The following LRRC37A2 variants were observed in gnomAD, a reference collection of about 807,000 sequenced individuals.
The protein encoded by LRRC37A2 is leucine-rich repeat-containing protein 37A2.
A neutral mutation model predicts 68.8 loss-of-function variants in LRRC37A2; 9 were observed. The ratio of observed to expected loss-of-function variants is 0.13; its 90% CI spans 0.08 to 0.23. The LOEUF (loss-of-function observed/expected upper bound fraction) is 0.23, where lower values mean the gene tolerates loss of function less well. Among genes scored for constraint, LRRC37A2 ranks in the 10% least tolerant of loss-of-function variants. The pLI, the probability that LRRC37A2 is intolerant of heterozygous loss-of-function variation, is 1.00. For missense variants in LRRC37A2, 168 were observed against 950.4 expected, an observed-to-expected ratio of 0.18 and a Z score of 10.82; for synonymous variants, 63 against 367.6, an observed-to-expected ratio of 0.17 and a Z score of 9.48.
chr17:46,960,239 C>T, the LRRC37A2 span, among the ~76,000 whole-genome samples: 2,411 of 152,256 alleles, frequency 0.016, 63 homozygotes, highest in African/African-American at 0.055. Context: ...CACTTAAGAA[C>T]ATGAAAAGAT....
the LRRC37A2 span, among the ~76,000 whole-genome samples, chr17:46,970,234 C>T: frequency 6.6e-6 from 1 of 152,174 alleles, no homozygotes; most frequent in South Asian, 2.1e-4. Context: ...CATTAAGATG[C>T]TTCCTGCAAA....
the LRRC37A2 span, chr17:46,966,491 G>A: frequency 4.5e-6 from 3 of 672,126 alleles, no homozygotes. Context: ...GGAACTACAG[G>A]TGCACCCCAC....
At chr17:46,987,000 C>T in the LRRC37A2 span, among the ~76,000 whole-genome samples, 2 of 152,144 alleles carry the variant, frequency 1.3e-5, no homozygotes, top group African/African-American at 4.8e-5. Flanking sequence ...AATCCCAGCA[C>T]TTTGGGAGGC....
the LRRC37A2 span, among the ~76,000 whole-genome samples, chr17:46,865,749 G>A: frequency 2.5e-4 from 38 of 152,196 alleles, no homozygotes; most frequent in Non-Finnish European, 4.6e-4. Context: ...GGAACCACAG[G>A]CACGTGCCAC....
the LRRC37A2 span, among the ~76,000 whole-genome samples, chr17:46,916,528 AT>A: frequency 6.6e-6 from 1 of 152,214 alleles, no homozygotes; most frequent in Non-Finnish European, 1.5e-5. Context: ...GATCGGCGAA[AT>A]TTTATTCACA....
chr17:46,943,130 C>T, the LRRC37A2 span, among the ~76,000 whole-genome samples: 3 of 152,170 alleles, frequency 2.0e-5, no homozygotes, highest in East Asian at 1.9e-4. Context: ...AATACAAGAA[C>T]ATCAACCCAA....
the LRRC37A2 span, among the ~76,000 whole-genome samples, chr17:47,006,519 T>A: frequency 1.4e-4 from 22 of 151,914 alleles, no homozygotes; most frequent in African/African-American, 5.3e-4. Context: ...GGCTGAGGCA[T>A]GAGAATTGTT....
the LRRC37A2 span, among the ~76,000 whole-genome samples, chr17:46,812,665 G>A: frequency 6.6e-6 from 1 of 152,110 alleles, no homozygotes; most frequent in East Asian, 1.9e-4. Flanking sequence ...GCCTGGCCCA[G>A]CACCCTCAAC....
the LRRC37A2 span, among the ~76,000 whole-genome samples, chr17:46,722,566 T>C: frequency 6.6e-6 from 1 of 152,198 alleles, no homozygotes; most frequent in African/African-American, 2.4e-5. Flanking sequence ...CTGTGGCAGC[T>C]AACCTCACGT....
the LRRC37A2 span, among the ~76,000 whole-genome samples, chr17:46,739,899 C>T: frequency 6.6e-6 from 1 of 152,028 alleles, no homozygotes; most frequent in African/African-American, 2.4e-5. Flanking sequence ...GAGGTTTCAC[C>T]ATATTGGCCA....
chr17:46,840,020 TTTCTTTCTTTC>T, the LRRC37A2 span, among the ~76,000 whole-genome samples: 5 of 142,128 alleles, frequency 3.5e-5, no homozygotes, highest in African/African-American at 1.4e-4. Context: ...TCTTTCTTTC[TTTCTTTCTTTC>T]TTTTCTTTCT....
the LRRC37A2 span, among the ~76,000 whole-genome samples, chr17:46,845,245 T>C: frequency 1.3e-5 from 2 of 152,138 alleles, no homozygotes; most frequent in East Asian, 3.9e-4. Context: ...TCACTAGTGC[T>C]TTGCCCATAG....
At chr17:46,743,504 G>C in the LRRC37A2 span, among the ~76,000 whole-genome samples, 1 of 152,238 alleles carries the variant, frequency 6.6e-6, no homozygotes, top group Non-Finnish European at 1.5e-5. Context: ...ATGCTGAGAA[G>C]TTAAATAATC....
Position 46,540,265 on chromosome 17 carries a change from CTCATG to C in LRRC37A2, c.2978+19_2978+23del. The stretch of plus-strand genomic sequence containing the variant: ...AAATATCTGTAAGTACTATAGTACT[CTCATG>C]AGTCAAGAGATGATTTATGCTTTTT... On this transcript the variant is annotated intron_variant, in intron 7 of 14. Coordinates refer to ENST00000576629, the Ensembl canonical transcript of LRRC37A2. 3.4e-6 allele frequency: 5 copies of C among 1,486,908 alleles called. No homozygotes were observed. The highest frequency in any genetic ancestry group is 4.5e-6 in the Non-Finnish European group (5 of 1,104,884). 92.1% of individuals were successfully genotyped at this position (1,486,908 alleles called of 1,614,324 possible).
the LRRC37A2 span, chr17:46,885,913 A>G: frequency 6.6e-5 from 10 of 152,272 alleles, no homozygotes; most frequent in African/African-American, 2.2e-4. Flanking sequence ...TGCCTCAACC[A>G]CAAGAACAAA....
the LRRC37A2 span, among the ~76,000 whole-genome samples, chr17:46,898,139 A>G: frequency 6.6e-6 from 1 of 151,850 alleles, no homozygotes; most frequent in Non-Finnish European, 1.5e-5. Context: ...CATCCCATTC[A>G]CCCAAAGGCC....
the LRRC37A2 span, among the ~76,000 whole-genome samples, chr17:46,899,695 G>A: frequency 6.6e-6 from 1 of 152,092 alleles, no homozygotes; most frequent in Admixed American, 6.5e-5. Flanking sequence ...ACTGGTGATG[G>A]TTGCACAACT....
At chr17:46,871,322 T>C in the LRRC37A2 span, among the ~76,000 whole-genome samples, 2 of 152,124 alleles carry the variant, frequency 1.3e-5, no homozygotes, top group Non-Finnish European at 2.9e-5. Flanking sequence ...CACCAGGATA[T>C]AGGACAGCAA....
chr17:46,846,837 A>C, the LRRC37A2 span, among the ~76,000 whole-genome samples: 1 of 152,240 alleles, frequency 6.6e-6, no homozygotes, highest in African/African-American at 2.4e-5. Context: ...TGGAAGTGCC[A>C]TGGGGAGTGG....
Sources: gnomAD v4.1 joint callset for allele counts (sites outside exome capture counted in the v4.1 genomes callset) on GRCh38, gnomAD v4.1.1 for gene constraint, MANE v1.5 for transcripts, NCBI Gene and HGNC (gene_info 2026-07-23, HGNC 2026-07-21) for gene names.